The following TTC17 variants were observed in gnomAD, a reference collection of about 807,000 sequenced individuals.
TTC17 encodes the protein tetratricopeptide repeat protein 17.
A neutral mutation model predicts 143.8 loss-of-function variants in TTC17; 58 were observed. That is an observed-to-expected ratio of 0.40 (90% CI 0.33 to 0.50). TTC17 has a LOEUF of 0.50. Among genes scored for constraint, TTC17 ranks in the 20% least tolerant of loss-of-function variants. The pLI, the probability that TTC17 is intolerant of heterozygous loss-of-function variation, is 0.49. For synonymous variants in TTC17, 501 were observed against 497.8 expected (o/e 1.01, Z -0.09); for missense variants, 1,273 against 1,392.5 (o/e 0.91, Z 1.37).
intron 21 of TTC17, chr11:43,466,759 A>T: frequency 3.2e-6 from 1 of 313,130 alleles, no homozygotes; most frequent in Non-Finnish European, 6.4e-6. Context: ...GATGGCAAGC[A>T]TGTGATCTTT....
intron 21 of TTC17, among the ~76,000 whole-genome samples, chr11:43,485,996 C>T (rs1226042160): frequency 6.6e-6 from 1 of 151,258 alleles, no homozygotes; most frequent in African/African-American, 2.4e-5. Context: ...TCTAAATGCC[C>T]ATCTACAGAA....
chr11:43,429,856 G>A (rs1249035523), intron 16 of TTC17, among the ~76,000 whole-genome samples: 2 of 152,110 alleles, frequency 1.3e-5, no homozygotes, highest in African/African-American at 4.8e-5. Flanking sequence ...CTTCCTGTAG[G>A]GTAACCTTTC....
Position 43,397,486 on chromosome 11 carries a change from T to C in TTC17, c.913T>C (p.Tyr305His). 6.2e-7 allele frequency: 1 copy of C among 1,610,852 alleles called. No homozygotes were observed. The highest frequency in any genetic ancestry group is 8.5e-7 in the Non-Finnish European group (1 of 1,179,394). The change falls in exon 7 of 24, where the codon TAT (tyrosine) becomes CAT (histidine). Residue 305 changes from tyrosine (Y) to histidine (H), a missense_variant. Around this residue, in one of 3 missense-constraint regions of TTC17, gnomAD observed 325 missense variants for 444.2 expected, o/e 0.73. Coordinates refer to ENST00000039989, the MANE Select transcript of TTC17 (RefSeq NM_018259.6). ...CAGCTATTACACTTTGGGGAATATATATGCAGTAAGTACTACTCTTTGTTT... is the reference window on the plus strand; with the variant it reads ...CAGCTATTACACTTTGGGGAATATACATGCAGTAAGTACTACTCTTTGTTT... Reference protein sequence around the residue: ...FTSYYTLGNIYAMLGEYNHSV... With the variant: ...FTSYYTLGNIHAMLGEYNHSV...
At chr11:43,450,323 C>A in intron 20 of TTC17, 82 bp downstream of exon 20, 1 of 1,424,532 alleles carries the variant, frequency 7.0e-7, no homozygotes, top group South Asian at 1.6e-5. Context: ...GCCCAGGTGA[C>A]CGGGCCTTTT....
At chr11:43,479,239 C>CAAAAAAA (rs1456256911) in intron 21 of TTC17, among the ~76,000 whole-genome samples, 1 of 147,178 alleles carries the variant, frequency 6.8e-6, no homozygotes, top group Admixed American at 6.7e-5. Context: ...GACTCCATCT[C>CAAAAAAA]AAAAAAAGAA....
At chr11:43,455,033 A>G (rs1054648771) in intron 21 of TTC17, among the ~76,000 whole-genome samples, 2 of 151,672 alleles carry the variant, frequency 1.3e-5, no homozygotes, top group Admixed American at 1.3e-4. Context: ...GCAGTGAACA[A>G]ATTCCAAGGA....
chr11:43,385,142 A>G (rs1007801571), intron 2 of TTC17, among the ~76,000 whole-genome samples: 1 of 152,222 alleles, frequency 6.6e-6, no homozygotes, highest in African/African-American at 2.4e-5. Flanking sequence ...GATAAGTCCA[A>G]CAAAAATACT....
chr11:43,403,114 G>T (rs1441510193), intron 10 of TTC17, among the ~76,000 whole-genome samples: 3 of 152,136 alleles, frequency 2.0e-5, no homozygotes, highest in African/African-American at 7.2e-5. Context: ...TGGGATTATA[G>T]CTCTTTATCT....
chr11:43,392,534 G>T (rs1004971920), intron 5 of TTC17, among the ~76,000 whole-genome samples: 2 of 152,070 alleles, frequency 1.3e-5, no homozygotes, highest in Non-Finnish European at 2.9e-5. Context: ...GTATTATAGT[G>T]GTATAAAATA....
At chr11:43,364,047 CTTTTTTTTT>C (rs71308379) in intron 1 of TTC17, among the ~76,000 whole-genome samples, 1 of 94,452 alleles carries the variant, frequency 1.1e-5, no homozygotes, top group South Asian at 3.5e-4. Flanking sequence ...TACAGATCCT[CTTTTTTTTT>C]TTTTTTTTTT....
intron 16 of TTC17, chr11:43,436,126 A>G: frequency 1.6e-6 from 2 of 1,286,412 alleles, no homozygotes; most frequent in Non-Finnish European, 2.0e-6. Flanking sequence ...CACGAGAGAT[A>G]TTTCTAATGT....
chr11:43,479,049 G>C (rs879464657), intron 21 of TTC17, among the ~76,000 whole-genome samples: 1 of 152,110 alleles, frequency 6.6e-6, no homozygotes, highest in African/African-American at 2.4e-5. Flanking sequence ...GACTAGCCTG[G>C]TCAACATGGT....
rs1948516504 is a variant in TTC17, at chr11:43,493,974, A to G, written c.*70A>G. The G allele has an allele frequency of 1.3e-6, 2 of 1,496,058 alleles. No homozygotes were observed. Among genetic ancestry groups the G allele is most frequent in the Non-Finnish European group, 1.8e-6 (2 of 1,118,776 alleles). 92.7% of individuals were successfully genotyped at this position (1,496,058 alleles called of 1,614,324 possible). A position where few individuals can be genotyped will look rare whatever the true frequency, so the allele number is the denominator to read the frequency against. On this transcript the variant is annotated 3_prime_UTR_variant, in exon 24 of 24. Transcript: ENST00000039989. ...AAAAGAATAAGAAAAGAAACCAATC[A>G]TTGTCAGTATCTACTATTAATGATG...
At chr11:43,487,125 G>T (rs1262926166) in intron 21 of TTC17, among the ~76,000 whole-genome samples, 1 of 152,048 alleles carries the variant, frequency 6.6e-6, no homozygotes, top group African/African-American at 2.4e-5. Context: ...TAGCATTAAA[G>T]AAATAACTTT....
chr11:43,409,164 A>T (rs1858286506), intron 15 of TTC17, among the ~76,000 whole-genome samples: 1 of 152,170 alleles, frequency 6.6e-6, no homozygotes, highest in Non-Finnish European at 1.5e-5. Context: ...TCTCTAAAAA[A>T]CTTATTCCTA....
chr11:43,393,644 C>G (rs970998339), intron 5 of TTC17, among the ~76,000 whole-genome samples: 1 of 152,200 alleles, frequency 6.6e-6, no homozygotes, highest in East Asian at 1.9e-4. Context: ...TCTGAAAGAT[C>G]TAACCCTCTG....
intron 21 of TTC17, among the ~76,000 whole-genome samples, chr11:43,459,290 A>G (rs1947820691): frequency 6.6e-6 from 1 of 152,168 alleles, no homozygotes; most frequent in Non-Finnish European, 1.5e-5. Flanking sequence ...CCCCAATTCC[A>G]GGGGTAGGGA....
chr11:43,469,438 A>G (rs1168042030), intron 21 of TTC17, among the ~76,000 whole-genome samples: 1 of 152,260 alleles, frequency 6.6e-6, no homozygotes, highest in African/African-American at 2.4e-5. Flanking sequence ...AGCTTTATTC[A>G]TAATAGCCAA....
chr11:43,401,934 T>G (rs1857873170), intron 10 of TTC17, among the ~76,000 whole-genome samples: 2 of 151,738 alleles, frequency 1.3e-5, no homozygotes, highest in South Asian at 4.2e-4. Flanking sequence ...ACCCAGATCA[T>G]GCCATTGCAC....
Sources: allele counts gnomAD v4.1 joint callset (sites outside exome capture counted in the v4.1 genomes callset), GRCh38; gene constraint gnomAD v4.1.1; regional missense constraint gnomAD v4.1.1; transcripts MANE v1.5; gene names NCBI Gene and HGNC (gene_info 2026-07-23, HGNC 2026-07-21).